PPP3R1: variants seen among roughly 807,000 people sequenced by gnomAD.
The protein encoded by PPP3R1 is calcineurin subunit B type 1.
In PPP3R1, 5 loss-of-function variants were observed where a neutral mutation model predicts 22.6. That is an observed-to-expected ratio of 0.22 (90% confidence interval 0.12 to 0.46). The LOEUF (loss-of-function observed/expected upper bound fraction) is 0.46, where lower values mean the gene tolerates loss of function less well. Ranked by LOEUF, PPP3R1 falls within the 20% of genes least tolerant of loss-of-function variation. PPP3R1 has a pLI of 0.99. For synonymous variants in PPP3R1, 56 were observed against 65.2 expected (o/e 0.86, Z 0.68); for missense variants, 61 against 203.2 (o/e 0.30, Z 4.25).
intron 5 of PPP3R1, among the ~76,000 whole-genome samples, chr2:68,182,706 C>A (rs939505676): frequency 3.1e-5 from 4 of 129,550 alleles, no homozygotes; most frequent in African/African-American, 2.9e-5. Flanking sequence ...GCCTGGGCAA[C>A]AAACTGAGGC....
At chr2:68,232,223 ATGTGTGTGTGTGTGTG>A (rs76815812) in intron 1 of PPP3R1, among the ~76,000 whole-genome samples, 3 of 45,762 alleles carry the variant, frequency 6.6e-5, no homozygotes, top group African/African-American at 1.4e-4. Context: ...ATATGTATAT[ATGTGTGTGTGTGTGTG>A]TGTGTGTGTG....
At chr2:68,242,942 T>G (rs1378982756) in intron 1 of PPP3R1, among the ~76,000 whole-genome samples, 2 of 152,104 alleles carry the variant, frequency 1.3e-5, no homozygotes, top group Non-Finnish European at 2.9e-5. Context: ...AATTCTAACA[T>G]AAAAATAAAA....
At chr2:68,241,624 G>A (rs933972091) in intron 1 of PPP3R1, among the ~76,000 whole-genome samples, 12 of 152,080 alleles carry the variant, frequency 7.9e-5, no homozygotes, top group Admixed American at 3.3e-4. Context: ...CAAGGTGGGC[G>A]GATCACCAGG....
At chr2:68,216,512 C>T (rs2103770229) in intron 2 of PPP3R1, among the ~76,000 whole-genome samples, 1 of 152,096 alleles carries the variant, frequency 6.6e-6, no homozygotes, top group East Asian at 1.9e-4. Flanking sequence ...TGCTGTGTGC[C>T]TTGTCCATCT....
At chr2:68,246,114 G>T (rs1266142849) in intron 1 of PPP3R1, among the ~76,000 whole-genome samples, 4 of 113,064 alleles carry the variant, frequency 3.5e-5, no homozygotes, top group Non-Finnish European at 6.5e-5. Context: ...TTGCTCTGTC[G>T]TCCAAGCTGG....
Position 68,252,183 on chromosome 2 carries a change from C to A in PPP3R1, c.-56G>T. 7.6e-7 allele frequency: 1 copy of A among 1,320,670 alleles called. No individual in the cohort carries two copies. The highest frequency in any genetic ancestry group is 9.9e-7 in the Non-Finnish European group (1 of 1,010,532). The allele number at this position is 1,320,670 out of a possible 1,614,324, so 81.8% of individuals were successfully genotyped here. On this transcript the variant is annotated 5_prime_UTR_variant, in exon 1 of 6. Coordinates refer to ENST00000234310, the MANE Select transcript of PPP3R1 (RefSeq NM_000945.4). The stretch of plus-strand genomic sequence containing the variant: ...CGCTGGCTCGGAGAAGTGTTGCGCT[C>A]AGGCTGGCTCGCAGGAAACGGCGGC...
intron 1 of PPP3R1, among the ~76,000 whole-genome samples, chr2:68,243,802 T>TTA (rs1363465610): frequency 6.6e-6 from 1 of 152,156 alleles, no homozygotes; most frequent in African/African-American, 2.4e-5. Flanking sequence ...AACTATGAGT[T>TTA]TACTTATAGT....
At chr2:68,196,914 G>A (rs539957297) in intron 2 of PPP3R1, among the ~76,000 whole-genome samples, 6 of 151,978 alleles carry the variant, frequency 3.9e-5, no homozygotes, top group African/African-American at 7.3e-5. Flanking sequence ...TGGTAGAGAC[G>A]GAATTTCACC....
chr2:68,220,817 A>T (rs1189937641), intron 1 of PPP3R1, among the ~76,000 whole-genome samples: 1 of 152,240 alleles, frequency 6.6e-6, no homozygotes, highest in Non-Finnish European at 1.5e-5. Flanking sequence ...AAATACACAG[A>T]AACAAAATGT....
At chr2:68,190,115 C>T (rs1241798527) in intron 2 of PPP3R1, among the ~76,000 whole-genome samples, 1 of 150,860 alleles carries the variant, frequency 6.6e-6, no homozygotes, top group African/African-American at 2.4e-5. Context: ...GTAAAAACTA[C>T]AGCTACAAGA....
intron 1 of PPP3R1, among the ~76,000 whole-genome samples, chr2:68,220,063 C>T (rs927676188): frequency 1.3e-5 from 2 of 152,102 alleles, no homozygotes; most frequent in African/African-American, 4.8e-5. Flanking sequence ...TATCAAACAA[C>T]ATTTATCAGG....
At chr2:68,231,467 GATTTT>G (rs1200117969) in intron 1 of PPP3R1, among the ~76,000 whole-genome samples, 1 of 145,648 alleles carries the variant, frequency 6.9e-6, no homozygotes, top group Non-Finnish European at 1.5e-5. Context: ...GTGAATAATA[GATTTT>G]ATTAGTTGTT....
Position 68,182,080 on chromosome 2 carries a change from T to TC in PPP3R1, c.466-1071dup, listed in dbSNP as rs869089694. 1.1e-4 allele frequency among the ~76,000 whole-genome samples: 4 copies of TC among 37,428 alleles called. No individual in the cohort carries two copies. In the East Asian group the frequency reaches 3.8e-3, roughly 35 times the overall value. 24.6% of individuals were successfully genotyped at this position (37,428 alleles called of 152,430 possible). On this transcript the variant is annotated intron_variant, in intron 5 of 5. Coordinates refer to ENST00000234310, the MANE Select transcript of PPP3R1 (RefSeq NM_000945.4). The stretch of plus-strand genomic sequence containing the variant: ...CATCTCCCCTCCTCCAACCCCCCCC[T>TC]CCCCCCACCACACACACACGACCAG...
chr2:68,229,194 T>C (rs1669842419), intron 1 of PPP3R1, among the ~76,000 whole-genome samples: 5 of 151,846 alleles, frequency 3.3e-5, no homozygotes, highest in African/African-American at 1.2e-4. Context: ...TTTTTTTTCA[T>C]GGAGACTGAG....
rs550587393 is a variant in PPP3R1 at position 68,220,271 on chromosome 2, A to C, written c.4-3140T>G. On this transcript the variant is annotated intron_variant, in intron 1 of 5. Coordinates refer to ENST00000234310, the MANE Select transcript of PPP3R1 (RefSeq NM_000945.4). ...GCCAAGGAGGTGAGACTTGTGAGGA[A>C]GAGTACTTCAGAAAAGGGAGACACA... is the stretch of plus-strand genomic sequence containing the variant. Among the ~76,000 whole-genome samples, 127 of 152,314 alleles carry C rather than the reference A, an allele frequency of 8.3e-4. 1 individual carries two copies. Among genetic ancestry groups the C allele is most frequent in the African/African-American group, 2.9e-3 (122 of 41,580 alleles).
intron 5 of PPP3R1, among the ~76,000 whole-genome samples, chr2:68,185,942 T>C (rs536548868): frequency 4.6e-5 from 7 of 152,328 alleles, no homozygotes; most frequent in Admixed American, 1.3e-4. Context: ...CACACAACTA[T>C]CAAAATCACT....
intron 2 of PPP3R1, among the ~76,000 whole-genome samples, chr2:68,197,464 A>G (rs1674810823): frequency 1.4e-5 from 2 of 147,956 alleles, no homozygotes; most frequent in African/African-American, 4.9e-5. Context: ...GCTACTATAA[A>G]TATTAATGTG....
At chr2:68,204,008 A>T (rs1007767995) in intron 2 of PPP3R1, among the ~76,000 whole-genome samples, 2 of 152,174 alleles carry the variant, frequency 1.3e-5, no homozygotes, top group African/African-American at 4.8e-5. Flanking sequence ...TGTGTTTACT[A>T]ATTTTATCTA....
chr2:68,184,714 T>C (rs909358894), intron 5 of PPP3R1, among the ~76,000 whole-genome samples: 1 of 152,230 alleles, frequency 6.6e-6, no homozygotes, highest in Non-Finnish European at 1.5e-5. Context: ...TTTAGAAAAG[T>C]TGGTTTTAAA....
Sources: gnomAD v4.1 joint callset for allele counts (sites outside exome capture counted in the v4.1 genomes callset) on GRCh38, gnomAD v4.1.1 for gene constraint, MANE v1.5 for transcripts, NCBI Gene and HGNC (gene_info 2026-07-23, HGNC 2026-07-21) for gene names.